Variants in TMEFF1 observed in about 807,000 individuals in gnomAD.
TMEFF1 encodes the protein transmembrane protein with EGF like and two follistatin like domains 1.
TMEFF1 carries 20 observed loss-of-function variants against 47.5 expected under a neutral mutation model. The ratio of observed to expected loss-of-function variants is 0.42; its 90% confidence interval spans 0.30 to 0.61. The LOEUF is 0.61. Ranked by LOEUF, TMEFF1 falls within the 20% of genes least tolerant of loss-of-function variation. TMEFF1 has a pLI of 0.19. For synonymous variants in TMEFF1, 162 were observed against 166.3 expected (o/e 0.97, Z 0.20); for missense variants, 411 against 471.1 (o/e 0.87, Z 1.18).
At chr9:100,525,293 C>T (rs577713079) in intron 5 of TMEFF1, among the ~76,000 whole-genome samples, 5 of 152,106 alleles carry the variant, frequency 3.3e-5, no homozygotes, top group East Asian at 1.9e-4. Context: ...AGACTGCCCC[C>T]GCTTTATAAC....
At chr9:100,568,006 C>T (rs1284029621) in intron 8 of TMEFF1, among the ~76,000 whole-genome samples, 1 of 152,126 alleles carries the variant, frequency 6.6e-6, no homozygotes, top group East Asian at 1.9e-4. Flanking sequence ...TTTACTGTCA[C>T]AAGAACAGTG....
At chr9:100,533,237 A>G (rs1032015021) in intron 5 of TMEFF1, among the ~76,000 whole-genome samples, 2 of 152,136 alleles carry the variant, frequency 1.3e-5, no homozygotes, top group Non-Finnish European at 2.9e-5. Flanking sequence ...TTAAAGTATA[A>G]TAATAAAAAA....
chr9:100,487,304 C>G (rs1837467752), intron 1 of TMEFF1, among the ~76,000 whole-genome samples: 1 of 152,158 alleles, frequency 6.6e-6, no homozygotes, highest in South Asian at 2.1e-4. Flanking sequence ...GCTGGAATTA[C>G]AGCTGCCCAC....
At chr9:100,491,764 A>C (rs965859514) in intron 1 of TMEFF1, among the ~76,000 whole-genome samples, 3 of 152,218 alleles carry the variant, frequency 2.0e-5, no homozygotes, top group African/African-American at 7.2e-5. Context: ...AAGTTATTTA[A>C]AGTAGGGAGT....
At chr9:100,512,090 A>T (rs1166399406) in intron 3 of TMEFF1, among the ~76,000 whole-genome samples, 1 of 152,170 alleles carries the variant, frequency 6.6e-6, no homozygotes, top group Non-Finnish European at 1.5e-5. Flanking sequence ...ATAATATGTA[A>T]CCAATCATTG....
chr9:100,482,826 C>T (rs1438971288), intron 1 of TMEFF1, among the ~76,000 whole-genome samples: 2 of 152,122 alleles, frequency 1.3e-5, no homozygotes, highest in Non-Finnish European at 2.9e-5. Flanking sequence ...GGTCTGAACT[C>T]CTCTCCTGCC....
At chr9:100,551,905 G>C (rs978607462) in intron 7 of TMEFF1, among the ~76,000 whole-genome samples, 8 of 152,234 alleles carry the variant, frequency 5.3e-5, no homozygotes, top group African/African-American at 1.9e-4. Context: ...GTGGGGAACA[G>C]TGGGAATCTG....
intron 1 of TMEFF1, among the ~76,000 whole-genome samples, chr9:100,480,143 A>C (rs909396666): frequency 1.3e-5 from 2 of 152,116 alleles, no homozygotes; most frequent in East Asian, 3.9e-4. Flanking sequence ...TCTTTTAATG[A>C]ATGTATTGGC....
At chr9:100,526,955 C>CAAAAAAAAAAA (rs55736750) in intron 5 of TMEFF1, among the ~76,000 whole-genome samples, 2 of 38,970 alleles carry the variant, frequency 5.1e-5, no homozygotes, top group African/African-American at 9.0e-5. Context: ...GCTAAAAATA[C>CAAAAAAAAAAA]AAAAAAAAAA....
intron 7 of TMEFF1, among the ~76,000 whole-genome samples, chr9:100,554,533 G>C (rs1263639256): frequency 6.6e-6 from 1 of 152,022 alleles, no homozygotes; most frequent in East Asian, 1.9e-4. Context: ...GAGTAGTTGA[G>C]GTAGATGAAC....
intron 2 of TMEFF1, among the ~76,000 whole-genome samples, chr9:100,505,506 G>A (rs183940404): frequency 3.8e-4 from 54 of 143,378 alleles, no homozygotes; most frequent in Admixed American, 7.1e-4. Context: ...GTAGATGCTA[G>A]AATAAAAACC....
At chr9:100,512,038 A>C (rs1837977814) in intron 3 of TMEFF1, among the ~76,000 whole-genome samples, 1 of 152,160 alleles carries the variant, frequency 6.6e-6, no homozygotes, top group Admixed American at 6.5e-5. Context: ...AATATGTCTT[A>C]TTTATCATTT....
chr9:100,542,923 CTT>C (rs34994276), intron 5 of TMEFF1, among the ~76,000 whole-genome samples: 9,955 of 104,298 alleles, frequency 0.095, 205 homozygotes, highest in Middle Eastern at 0.2. Context: ...CTCTCTCTCT[CTT>C]TTTTTTTTTT....
intron 4 of TMEFF1, among the ~76,000 whole-genome samples, chr9:100,514,107 T>C (rs938733801): frequency 6.6e-6 from 1 of 152,050 alleles, no homozygotes; most frequent in Non-Finnish European, 1.5e-5. Flanking sequence ...TATTATGGGG[T>C]ACACCAAAGA....
chr9:100,522,619 T>C lies in TMEFF1; in HGVS notation c.560+5848T>C, dbSNP rs529634848. 8.7e-4 allele frequency among the ~76,000 whole-genome samples: 132 copies of C among 152,018 alleles called. 2 individuals carry two copies. Among genetic ancestry groups the C allele is most frequent in the African/African-American group, 2.8e-3 (117 of 41,462 alleles). On this transcript the variant is annotated intron_variant, in intron 5 of 9. Transcript: ENST00000374879. ...GCCTGGCTAATTTTTGTATTTTTAG[T>C]AGAGATGGGGTTTCACCATCTTGGC...
chr9:100,533,673 T>G (rs575245324), intron 5 of TMEFF1, among the ~76,000 whole-genome samples: 24 of 152,096 alleles, frequency 1.6e-4, no homozygotes, highest in Non-Finnish European at 3.2e-4. Flanking sequence ...GTTGTTCATT[T>G]TCTAACTTTT....
At chr9:100,517,568 A>G (rs541796443) in intron 5 of TMEFF1, among the ~76,000 whole-genome samples, 1 of 152,340 alleles carries the variant, frequency 6.6e-6, no homozygotes, top group South Asian at 2.1e-4. Flanking sequence ...AATTTTCAGT[A>G]TTATGTACAA....
intron 1 of TMEFF1, among the ~76,000 whole-genome samples, chr9:100,488,511 A>G (rs762117743): frequency 6.6e-5 from 10 of 152,252 alleles, no homozygotes; most frequent in Non-Finnish European, 1.3e-4. Flanking sequence ...GCCACTATGT[A>G]CTTCCACAGT....
At chr9:100,527,112 C>T (rs1470762541) in intron 5 of TMEFF1, among the ~76,000 whole-genome samples, 1 of 151,664 alleles carries the variant, frequency 6.6e-6, no homozygotes, top group East Asian at 1.9e-4. Flanking sequence ...CACTGCACTC[C>T]AGCCTGGGCG....
Sources: gnomAD v4.1 joint callset for allele counts (sites outside exome capture counted in the v4.1 genomes callset) on GRCh38, gnomAD v4.1.1 for gene constraint, MANE v1.5 for transcripts, NCBI Gene and HGNC (gene_info 2026-07-23, HGNC 2026-07-21) for gene names.